Variants in ZNRF3 observed in about 807,000 individuals in gnomAD.
The protein encoded by ZNRF3 is E3 ubiquitin-protein ligase ZNRF3.
A neutral mutation model predicts 72.5 loss-of-function variants in ZNRF3; 23 were observed. The observed-to-expected ratio is 0.32, with a 90% CI of 0.23 to 0.45. The LOEUF is 0.45. ZNRF3 is among the 20% of genes least tolerant of loss of function. The probability of loss-of-function intolerance (pLI) is 1.00; values close to 1 mark genes in which losing one functional copy is unlikely to be tolerated. For synonymous variants in ZNRF3, 610 were observed against 545.3 expected, an observed-to-expected ratio of 1.12 and a Z score of -1.65; for missense variants, 1,169 against 1,272.1, an observed-to-expected ratio of 0.92 and a Z score of 1.23.
chr22:29,023,459 C>A (rs2036573087), intron 2 of ZNRF3, among the ~76,000 whole-genome samples: 1 of 152,152 alleles, frequency 6.6e-6, no homozygotes, highest in Non-Finnish European at 1.5e-5. Flanking sequence ...CCTAAGAGAC[C>A]CTCTTTGTCC....
chr22:29,011,242 T>A (rs1048948820), intron 2 of ZNRF3, among the ~76,000 whole-genome samples: 2 of 152,210 alleles, frequency 1.3e-5, no homozygotes, highest in African/African-American at 4.8e-5. Context: ...AATGCTGTTG[T>A]GAATACAAAG....
At chr22:28,937,569 A>G (rs889493183) in intron 1 of ZNRF3, among the ~76,000 whole-genome samples, 1 of 152,158 alleles carries the variant, frequency 6.6e-6, no homozygotes, top group African/African-American at 2.4e-5. Flanking sequence ...ACTTGCATCT[A>G]TCAGAATCAT....
chr22:28,924,942 C>T (rs2034574302), intron 1 of ZNRF3, among the ~76,000 whole-genome samples: 1 of 152,164 alleles, frequency 6.6e-6, no homozygotes, highest in South Asian at 2.1e-4. Context: ...TCACCACCAC[C>T]CCTAGCCTGA....
At chr22:28,967,856 G>C (rs2123810383) in intron 1 of ZNRF3, among the ~76,000 whole-genome samples, 1 of 150,800 alleles carries the variant, frequency 6.6e-6, no homozygotes, top group East Asian at 2.0e-4. Context: ...GCCCAGGGGG[G>C]TTGAGGCTAC....
intron 2 of ZNRF3, among the ~76,000 whole-genome samples, chr22:29,032,110 C>T (rs1473464863): frequency 6.6e-6 from 1 of 152,174 alleles, no homozygotes; most frequent in African/African-American, 2.4e-5. Context: ...ATGGTGTGGC[C>T]ATATTTCTCC....
Position 29,056,145 on chromosome 22 carries a change from A to G in ZNRF3, c.*2523A>G, listed in dbSNP as rs2123894346. On this transcript the variant is annotated 3_prime_UTR_variant, in exon 9 of 9. Coordinates refer to ENST00000544604, the MANE Select transcript of ZNRF3 (RefSeq NM_001206998.2). ...AGATGGAATTTTGCTCTTGTCACCC[A>G]GGCTGGAGTGCAATGGCGCGATCTC... 1 of 149,946 alleles carries G rather than the reference A, an allele frequency of 6.7e-6. No individual in the cohort carries two copies. Among genetic ancestry groups the G allele is most frequent in the Admixed American group, 6.7e-5 (1 of 14,966 alleles). 9.3% of individuals were successfully genotyped at this position (149,946 alleles called of 1,614,324 possible). A position where few individuals can be genotyped will look rare whatever the true frequency, so the allele number is the denominator to read the frequency against.
intron 1 of ZNRF3, among the ~76,000 whole-genome samples, chr22:28,901,865 G>A (rs2034111138): frequency 6.6e-6 from 1 of 151,392 alleles, no homozygotes; most frequent in Non-Finnish European, 1.5e-5. Context: ...TAGTGGCTAG[G>A]CGTTTTATGG....
chr22:28,959,296 G>C (rs2035315076), intron 1 of ZNRF3, among the ~76,000 whole-genome samples: 1 of 152,182 alleles, frequency 6.6e-6, no homozygotes, highest in African/African-American at 2.4e-5. Flanking sequence ...CACACCTTAT[G>C]ACTGCCCATT....
At chr22:29,007,059 C>A (rs2036263965) in intron 2 of ZNRF3, among the ~76,000 whole-genome samples, 1 of 152,184 alleles carries the variant, frequency 6.6e-6, no homozygotes, top group Non-Finnish European at 1.5e-5. Flanking sequence ...CTTACAGTAT[C>A]CCCGGAGAGA....
intron 1 of ZNRF3, among the ~76,000 whole-genome samples, chr22:28,886,226 G>A (rs1383342050): frequency 1.3e-5 from 2 of 152,210 alleles, no homozygotes; most frequent in African/African-American, 2.4e-5. Flanking sequence ...TGCAAATACT[G>A]TTTGATTGAA....
intron 2 of ZNRF3, among the ~76,000 whole-genome samples, chr22:29,009,442 A>C (rs1292014212): frequency 1.3e-5 from 2 of 152,154 alleles, no homozygotes; most frequent in Non-Finnish European, 2.9e-5. Flanking sequence ...TAGAGTTTAA[A>C]AAAATAAATT....
At chr22:29,041,600 A>G (rs562932911) in intron 2 of ZNRF3, among the ~76,000 whole-genome samples, 100 of 151,228 alleles carry the variant, frequency 6.6e-4, no homozygotes, top group Non-Finnish European at 1.2e-3. Flanking sequence ...AGCATACACA[A>G]CTCAGTTTCC....
chr22:28,912,993 T>C (rs1008061549), intron 1 of ZNRF3, among the ~76,000 whole-genome samples: 1 of 152,226 alleles, frequency 6.6e-6, no homozygotes, highest in African/African-American at 2.4e-5. Flanking sequence ...TCCTTGCCGA[T>C]TTGAGTCTTT....
At chr22:28,973,962 T>TTC (rs1248636104) in intron 1 of ZNRF3, among the ~76,000 whole-genome samples, 1 of 148,034 alleles carries the variant, frequency 6.8e-6, no homozygotes, top group East Asian at 1.9e-4. Context: ...TCTTTTTTTT[T>TTC]TTTTTTTTTT....
At chr22:28,929,453 A>C (rs2123776581) in intron 1 of ZNRF3, among the ~76,000 whole-genome samples, 1 of 152,330 alleles carries the variant, frequency 6.6e-6, no homozygotes, top group Non-Finnish European at 1.5e-5. Flanking sequence ...TATGACAACT[A>C]GAAATGTCTC....
At chr22:28,950,798 A>G (rs560041616) in intron 1 of ZNRF3, among the ~76,000 whole-genome samples, 1 of 152,300 alleles carries the variant, frequency 6.6e-6, no homozygotes, top group East Asian at 1.9e-4. Flanking sequence ...TTAGCAGTTC[A>G]TGGAATTGTA....
At chr22:28,897,334 GGA>G in intron 1 of ZNRF3, among the ~76,000 whole-genome samples, 1 of 151,994 alleles carries the variant, frequency 6.6e-6, no homozygotes, top group Non-Finnish European at 1.5e-5. Context: ...GGGGGATCGG[GGA>G]GACAGAATCT....
At chr22:28,976,328 C>T (rs1401204675) in intron 1 of ZNRF3, among the ~76,000 whole-genome samples, 1 of 152,024 alleles carries the variant, frequency 6.6e-6, no homozygotes, top group Non-Finnish European at 1.5e-5. Flanking sequence ...TTGAGACCAG[C>T]CTGGACAACA....
At chr22:28,903,308 GT>G (rs2034143524) in intron 1 of ZNRF3, among the ~76,000 whole-genome samples, 1 of 152,110 alleles carries the variant, frequency 6.6e-6, no homozygotes, top group Non-Finnish European at 1.5e-5. Context: ...CCTGCTTGTT[GT>G]TCCTGGTTGC....
Sources: gnomAD v4.1 joint callset for allele counts (sites outside exome capture counted in the v4.1 genomes callset) on GRCh38, gnomAD v4.1.1 for gene constraint, MANE v1.5 for transcripts, NCBI Gene and HGNC (gene_info 2026-07-23, HGNC 2026-07-21) for gene names.